The following GPR158 variants were observed in gnomAD, a reference collection of about 807,000 sequenced individuals.
The protein encoded by GPR158 is metabotropic glycine receptor.
In GPR158, 30 loss-of-function variants were observed where a neutral mutation model predicts 78.2. The observed-to-expected ratio is 0.38, with a 90% CI of 0.29 to 0.52. The LOEUF (loss-of-function observed/expected upper bound fraction) is 0.52, where lower values mean the gene tolerates loss of function less well. Among genes scored for constraint, GPR158 ranks in the 20% least tolerant of loss-of-function variants. The probability of loss-of-function intolerance (pLI) is 0.83; values close to 1 mark genes in which losing one functional copy is unlikely to be tolerated. For missense variants in GPR158, 1,463 were observed against 1,523.5 expected (o/e 0.96, Z 0.66); for synonymous variants, 581 against 591.1 (o/e 0.98, Z 0.25).
intron 5 of GPR158, among the ~76,000 whole-genome samples, chr10:25,508,691 C>T (rs1023962811): frequency 3.3e-5 from 5 of 152,106 alleles, no homozygotes; most frequent in Admixed American, 1.3e-4. Flanking sequence ...TCTGGCAGGT[C>T]ACCAGGGTCA....
At chr10:25,522,342 A>G (rs1050707071) in intron 5 of GPR158, among the ~76,000 whole-genome samples, 1 of 152,192 alleles carries the variant, frequency 6.6e-6, no homozygotes. Context: ...CTGCTTTTAA[A>G]AAGCTCTGGA....
chr10:25,353,021 T>C (rs990025271), intron 2 of GPR158, among the ~76,000 whole-genome samples: 1 of 152,066 alleles, frequency 6.6e-6, no homozygotes, highest in Non-Finnish European at 1.5e-5. Context: ...TTCTAGAGCT[T>C]TGCTTATATT....
intron 4 of GPR158, chr10:25,466,317 G>C (rs1304340148): frequency 5.1e-6 from 1 of 196,198 alleles, no homozygotes; most frequent in Admixed American, 5.5e-5. Flanking sequence ...CCCTTCGATC[G>C]AGAAAAGACC....
chr10:25,289,234 C>A (rs760769967), intron 2 of GPR158, among the ~76,000 whole-genome samples: 2 of 152,142 alleles, frequency 1.3e-5, no homozygotes, highest in Non-Finnish European at 2.9e-5. Context: ...ATAGCTACTA[C>A]TTTCCAATGA....
At chr10:25,480,180 A>G (rs549171819) in intron 5 of GPR158, among the ~76,000 whole-genome samples, 1 of 152,234 alleles carries the variant, frequency 6.6e-6, no homozygotes, top group African/African-American at 2.4e-5. Flanking sequence ...AGAATTACCT[A>G]CTTGAATCTT....
At chr10:25,213,381 TTTGA>T (rs1414418226) in intron 1 of GPR158, among the ~76,000 whole-genome samples, 1 of 152,220 alleles carries the variant, frequency 6.6e-6, no homozygotes, top group Non-Finnish European at 1.5e-5. Context: ...GCCTCTTTAG[TTTGA>T]TTAAAATAAT....
intron 8 of GPR158, among the ~76,000 whole-genome samples, chr10:25,591,098 G>C (rs1837334427): frequency 6.6e-6 from 1 of 152,052 alleles, no homozygotes; most frequent in Non-Finnish European, 1.5e-5. Context: ...GCTACCCAAA[G>C]ATAAGCACTG....
intron 2 of GPR158, among the ~76,000 whole-genome samples, chr10:25,369,379 G>C (rs1413893844): frequency 4.0e-5 from 6 of 149,402 alleles, no homozygotes; most frequent in South Asian, 2.1e-4. Flanking sequence ...TAGCATGAAG[G>C]GTTGTTGAAT....
At chr10:25,271,044 C>A (rs1854111374) in intron 2 of GPR158, among the ~76,000 whole-genome samples, 1 of 152,202 alleles carries the variant, frequency 6.6e-6, no homozygotes, top group Non-Finnish European at 1.5e-5. Flanking sequence ...AATGGCTTGG[C>A]TTTCTTTTAG....
intron 1 of GPR158, among the ~76,000 whole-genome samples, chr10:25,215,126 C>T (rs1271032687): frequency 6.6e-6 from 1 of 152,104 alleles, no homozygotes. Flanking sequence ...GGGCCCACCA[C>T]AGATGAATGG....
intron 2 of GPR158, among the ~76,000 whole-genome samples, chr10:25,333,486 T>C (rs112713362): frequency 0.011 from 1,636 of 152,298 alleles, 7 homozygotes; most frequent in Non-Finnish European, 0.016. Flanking sequence ...AAGGATTTTC[T>C]TAATGTTAAT....
intron 4 of GPR158, among the ~76,000 whole-genome samples, chr10:25,433,570 T>C (rs11014551): frequency 0.07 from 8,898 of 127,688 alleles, 497 homozygotes; most frequent in South Asian, 0.15. Flanking sequence ...TGTGTGTGTG[T>C]GCGCGCGCGC....
intron 2 of GPR158, among the ~76,000 whole-genome samples, chr10:25,238,129 G>C (rs2130702897): frequency 6.6e-6 from 1 of 152,004 alleles, no homozygotes; most frequent in Non-Finnish European, 1.5e-5. Context: ...GTGAAAGCTA[G>C]ATGCTCTCAT....
chr10:25,505,195 C>A (rs1017271055), intron 5 of GPR158, among the ~76,000 whole-genome samples: 2 of 152,110 alleles, frequency 1.3e-5, no homozygotes, highest in African/African-American at 4.8e-5. Flanking sequence ...TGTGTATTTT[C>A]TGTTCTCTGT....
chr10:25,423,807 C>T (rs1588856572), intron 4 of GPR158, among the ~76,000 whole-genome samples: 1 of 152,020 alleles, frequency 6.6e-6, no homozygotes. Flanking sequence ...GGGTTGGTTC[C>T]AAGTCTTTGC....
At chr10:25,355,893 A>T (rs1855543615) in intron 2 of GPR158, among the ~76,000 whole-genome samples, 1 of 151,806 alleles carries the variant, frequency 6.6e-6, no homozygotes, top group Non-Finnish European at 1.5e-5. Flanking sequence ...CAGAACAGCC[A>T]CTCTGATTTA....
chr10:25,225,955 T>C (rs1011724822), intron 2 of GPR158, among the ~76,000 whole-genome samples: 1 of 152,214 alleles, frequency 6.6e-6, no homozygotes, highest in African/African-American at 2.4e-5. Context: ...ACATACCAAA[T>C]GTAACTTACT....
chr10:25,357,344 G>A (rs1213982985), intron 2 of GPR158, among the ~76,000 whole-genome samples: 1 of 152,106 alleles, frequency 6.6e-6, no homozygotes, highest in Non-Finnish European at 1.5e-5. Flanking sequence ...GTAATGAGGA[G>A]CCAAATGTTA....
rs1357040652 is a variant in GPR158 at position 25,219,041 on chromosome 10, T to C, written c.903-2011T>C. 5.3e-5 allele frequency among the ~76,000 whole-genome samples: 8 copies of C among 152,182 alleles called. 1 individual carries two copies. Among genetic ancestry groups the C allele is most frequent in the Admixed American group, 1.3e-4 (2 of 15,272 alleles). On this transcript the variant is annotated intron_variant, in intron 1 of 10. Coordinates refer to ENST00000376351, the MANE Select transcript of GPR158 (RefSeq NM_020752.3). ...TATCTACTGAATCAGTGAAAGAAAG[T>C]TATTTCCAAGGAGCATAAAGTAGAA...
Sources: gnomAD v4.1 joint callset for allele counts (sites outside exome capture counted in the v4.1 genomes callset) on GRCh38, gnomAD v4.1.1 for gene constraint, MANE v1.5 for transcripts, NCBI Gene and HGNC (gene_info 2026-07-23, HGNC 2026-07-21) for gene names.